The following BLM variants were observed in gnomAD, a reference collection of about 807,000 sequenced individuals.
BLM encodes BLM RecQ like helicase, also known as recQ-like DNA helicase BLM.
Under a neutral mutation model 135.3 loss-of-function variants are expected in BLM, and 95 were observed. That is an observed-to-expected ratio of 0.70 (90% confidence interval 0.59 to 0.83). The LOEUF (loss-of-function observed/expected upper bound fraction) is 0.83, where lower values mean the gene tolerates loss of function less well. BLM is among the 40% of genes least tolerant of loss of function. The pLI, the probability that BLM is intolerant of heterozygous loss-of-function variation, is 0.00. For synonymous variants in BLM, 520 were observed against 589.2 expected (o/e 0.88, Z 1.70); for missense variants, 1,518 against 1,663.9 (o/e 0.91, Z 1.53).
chr15:90,775,146 G>A (rs961866475), intron 12 of BLM, among the ~76,000 whole-genome samples: 1 of 152,176 alleles, frequency 6.6e-6, no homozygotes. Flanking sequence ...GGAAACAGCA[G>A]AAGTGGAAGG....
In BLM at chr15:90,769,116, A is replaced by C. The variant is rs1242036150; in HGVS notation, c.2308-17A>C. 1 of 1,548,842 alleles carries C rather than the reference A, an allele frequency of 6.5e-7. No individual in the cohort carries two copies. Among genetic ancestry groups the C allele is most frequent in the African/African-American group, 1.4e-5 (1 of 73,506 alleles). On this transcript the variant is annotated splice_polypyrimidine_tract_variant and intron_variant, in intron 10 of 21. Transcript: ENST00000355112. ...GTGTTTCAGTGTTTTTACATGTCTA[A>C]TGTATTTCTGGCCTAGATCTGTGCA...
intron 15 of BLM, chr15:90,793,718 A>G (rs1567058032): frequency 6.5e-6 from 1 of 153,300 alleles, no homozygotes; most frequent in African/African-American, 2.4e-5. Context: ...GTTTCCCTTC[A>G]TGTAAAATAT....
intron 1 of BLM, among the ~76,000 whole-genome samples, chr15:90,722,227 A>T (rs948166232): frequency 6.6e-6 from 1 of 151,652 alleles, no homozygotes; most frequent in Non-Finnish European, 1.5e-5. Context: ...CTCCTGCCTC[A>T]GCCTCCCAAG....
intron 1 of BLM, among the ~76,000 whole-genome samples, chr15:90,717,771 G>T (rs888103353): frequency 3.3e-5 from 5 of 152,198 alleles, no homozygotes; most frequent in African/African-American, 1.2e-4. Context: ...TCCCAGCCCA[G>T]ACCTCTGGCA....
Position 90,747,287 on chromosome 15 carries a change from G to C in BLM, c.-4-102G>C, listed in dbSNP as rs975863402. ...AAGTCCTATTACTCTGGGCACAGTTGGAACAATGCCTGTTTGAATCAAGTC... is the reference window on the plus strand; with the variant it reads ...AAGTCCTATTACTCTGGGCACAGTTCGAACAATGCCTGTTTGAATCAAGTC... On this transcript the variant is annotated intron_variant, in intron 1 of 21. Coordinates refer to ENST00000355112, the MANE Select transcript of BLM (RefSeq NM_000057.4). The C allele has an allele frequency of 2.5e-5, 18 of 732,360 alleles. No individual in the cohort carries two copies. In the Admixed American group the frequency reaches 3.5e-4, roughly 14 times the overall value. The allele number at this position is 732,360 out of a possible 1,614,324, so 45.4% of individuals were successfully genotyped here. A position where few individuals can be genotyped will look rare whatever the true frequency, so the allele number is the denominator to read the frequency against.
chr15:90,795,163 C>T lies in BLM; in HGVS notation c.3210+806C>T, dbSNP rs28385107. Among the ~76,000 whole-genome samples, 720 of 152,132 alleles carry T rather than the reference C, an allele frequency of 4.7e-3. 12 individuals are homozygous for T. The highest frequency in any genetic ancestry group is 0.03 in the East Asian group (154 of 5,182). ...CCAATTCATAGACTGGAGTGGAGACCGACATACATGTGTTCATAGAAGTTT... is the reference window on the plus strand; with the variant it reads ...CCAATTCATAGACTGGAGTGGAGACTGACATACATGTGTTCATAGAAGTTT... On this transcript the variant is annotated intron_variant, in intron 16 of 21. Transcript: ENST00000355112.
At chr15:90,805,536 T>A (rs927989680) in intron 19 of BLM, among the ~76,000 whole-genome samples, 1 of 151,772 alleles carries the variant, frequency 6.6e-6, no homozygotes, top group Non-Finnish European at 1.5e-5. Flanking sequence ...ACGCCTGTAA[T>A]CACAGCACTT....
At chr15:90,756,036 T>A (rs1895808228) in intron 5 of BLM, among the ~76,000 whole-genome samples, 1 of 152,230 alleles carries the variant, frequency 6.6e-6, no homozygotes, top group Non-Finnish European at 1.5e-5. Flanking sequence ...CTGGGCGCTC[T>A]TATAAAGTGC....
intron 5 of BLM, among the ~76,000 whole-genome samples, chr15:90,756,674 A>G (rs955509195): frequency 6.6e-6 from 1 of 152,220 alleles, no homozygotes; most frequent in African/African-American, 2.4e-5. Context: ...ACAACAGTCC[A>G]TTCATCACCA....
At chr15:90,751,709 TTCTTAA>T in intron 3 of BLM, 72 bp from the exon 4 acceptor site, 2 of 1,296,292 alleles carry the variant, frequency 1.5e-6, no homozygotes, top group South Asian at 2.4e-5. Context: ...GAAGCACTCA[TTCTTAA>T]TCGCTCATGC....
At chr15:90,775,489 G>T (rs1314300302) in intron 12 of BLM, among the ~76,000 whole-genome samples, 1 of 147,604 alleles carries the variant, frequency 6.8e-6, no homozygotes, top group East Asian at 2.0e-4. Context: ...ATATATGTGT[G>T]TTTTTATTTT....
At chr15:90,765,456 A>G (rs375517546) in intron 9 of BLM, 42 bp downstream of exon 9, 25 of 1,429,940 alleles carry the variant, frequency 1.7e-5, no homozygotes, top group Admixed American at 1.3e-4. Flanking sequence ...CTTAGAAACA[A>G]TTAAATTTCA....
chr15:90,765,267 A>G, intron 8 of BLM, 29 bp from the exon 9 acceptor site: 1 of 1,500,490 alleles, frequency 6.7e-7, no homozygotes, highest in Non-Finnish European at 9.3e-7. Context: ...ACAGAACCTG[A>G]CAGATATTTT....
In BLM at chr15:90,769,458, A is replaced by G. The variant is rs1896236372; in HGVS notation, c.2427A>G (p.Gln809=). The G allele has an allele frequency of 6.2e-7, 1 of 1,614,174 alleles. No individual in the cohort carries two copies. Among genetic ancestry groups the G allele is most frequent in the African/African-American group, 1.3e-5 (1 of 75,042 alleles). ...CVSQWGHDFR[Q]DYKRMNMLRQ... ...ACTAGTGGGGACATGATTTTCGTCAAGATTACAAAAGAATGAATATGCTTC... is the reference window on the plus strand; with the variant it reads ...ACTAGTGGGGACATGATTTTCGTCAGGATTACAAAAGAATGAATATGCTTC... The change falls in exon 12 of 22, where the codon CAA becomes CAG. Residue 809 remains glutamine (Q), a synonymous_variant. Transcript: ENST00000355112.
intron 1 of BLM, among the ~76,000 whole-genome samples, chr15:90,737,735 C>G (rs1315940025): frequency 6.6e-6 from 1 of 151,970 alleles, no homozygotes; most frequent in Admixed American, 6.6e-5. Flanking sequence ...GATCTGAAAT[C>G]AACAATTTAA....
intron 19 of BLM, among the ~76,000 whole-genome samples, chr15:90,807,768 A>G (rs529563649): frequency 6.6e-6 from 1 of 152,306 alleles, no homozygotes; most frequent in Non-Finnish European, 1.5e-5. Context: ...TGCATTCACA[A>G]TCACTTTTTT....
At chr15:90,793,312 C>T (rs1596259162) in intron 15 of BLM, among the ~76,000 whole-genome samples, 1 of 151,670 alleles carries the variant, frequency 6.6e-6, no homozygotes, top group Non-Finnish European at 1.5e-5. Context: ...TTTTTGTATT[C>T]TTAGCAGAGA....
intron 5 of BLM, among the ~76,000 whole-genome samples, chr15:90,757,350 C>T (rs772973030): frequency 2.0e-5 from 3 of 152,168 alleles, no homozygotes; most frequent in Non-Finnish European, 1.5e-5. Context: ...CCTTTGTACT[C>T]TGAGGTATAA....
chr15:90,739,652 A>G (rs1422655439), intron 1 of BLM, among the ~76,000 whole-genome samples: 1 of 152,266 alleles, frequency 6.6e-6, no homozygotes, highest in Non-Finnish European at 1.5e-5. Context: ...TGAATACATT[A>G]TGATTCCCAT....
Sources: gnomAD v4.1 joint callset for allele counts (sites outside exome capture counted in the v4.1 genomes callset) on GRCh38, gnomAD v4.1.1 for gene constraint, MANE v1.5 for transcripts, NCBI Gene and HGNC (gene_info 2026-07-23, HGNC 2026-07-21) for gene names.